ELF1: variants seen among roughly 807,000 people sequenced by gnomAD.
ELF1 encodes the protein ETS-related transcription factor Elf-1.
Under a neutral mutation model 59.9 loss-of-function variants are expected in ELF1, and 24 were observed. The observed-to-expected ratio is 0.40, with a 90% CI of 0.29 to 0.56. The LOEUF is 0.56. Among genes scored for constraint, ELF1 ranks in the 20% least tolerant of loss-of-function variants. ELF1 has a pLI of 0.44. For synonymous variants in ELF1, 248 were observed against 266.2 expected (o/e 0.93, Z 0.67); for missense variants, 627 against 742.2 (o/e 0.84, Z 1.80).
At chr13:40,963,731 A>G (rs1043376849) in intron 2 of ELF1, among the ~76,000 whole-genome samples, 2 of 152,066 alleles carry the variant, frequency 1.3e-5, no homozygotes, top group East Asian at 3.9e-4. Flanking sequence ...ACATGGTAAA[A>G]CCCTGCCTCT....
At chr13:41,044,720 A>G (rs934976532) in intron 1 of ELF1, among the ~76,000 whole-genome samples, 2 of 152,188 alleles carry the variant, frequency 1.3e-5, no homozygotes, top group East Asian at 1.9e-4. Flanking sequence ...GGATTTTTGC[A>G]TCGATGTTCA....
At chr13:40,953,292 T>C (rs1459052550) in intron 3 of ELF1, among the ~76,000 whole-genome samples, 1 of 152,172 alleles carries the variant, frequency 6.6e-6, no homozygotes. Context: ...AATTCTTTAA[T>C]ATCATCTATT....
intron 1 of ELF1, chr13:41,060,723 A>G (rs1270198439): frequency 6.1e-6 from 1 of 163,188 alleles, no homozygotes; most frequent in Non-Finnish European, 1.4e-5. Flanking sequence ...AAAAAAAAAG[A>G]AAAATAAGGA....
intron 2 of ELF1, among the ~76,000 whole-genome samples, chr13:40,975,821 T>G (rs1410171159): frequency 6.6e-6 from 1 of 152,160 alleles, no homozygotes; most frequent in Non-Finnish European, 1.5e-5. Flanking sequence ...TTTACCTATT[T>G]TATAGAAGAG....
chr13:40,984,939 T>C (rs947781530), intron 1 of ELF1, among the ~76,000 whole-genome samples: 14 of 152,114 alleles, frequency 9.2e-5, no homozygotes, highest in African/African-American at 3.4e-4. Flanking sequence ...ATCTAAAAAA[T>C]CAGGATAAGC....
chr13:40,951,277 G>A, intron 4 of ELF1, 52 bp downstream of exon 4: 1 of 1,364,820 alleles, frequency 7.3e-7, no homozygotes, highest in Non-Finnish European at 1.0e-6. Flanking sequence ...AAAGAAAGAT[G>A]GCAAGAGTAA....
At chr13:41,024,373 G>A (rs1051202662) in intron 1 of ELF1, among the ~76,000 whole-genome samples, 3 of 152,092 alleles carry the variant, frequency 2.0e-5, no homozygotes, top group African/African-American at 7.2e-5. Flanking sequence ...CCAGGCTGGA[G>A]TGCAGTGGCA....
chr13:40,955,691 G>C (rs1488433469), intron 3 of ELF1, among the ~76,000 whole-genome samples: 12 of 95,262 alleles, frequency 1.3e-4, no homozygotes, highest in South Asian at 3.8e-4. Context: ...GTCAGCCCCC[G>C]GCCTGGCCAG....
At chr13:41,024,606 A>G (rs1010463873) in intron 1 of ELF1, among the ~76,000 whole-genome samples, 8 of 152,042 alleles carry the variant, frequency 5.3e-5, no homozygotes, top group African/African-American at 1.4e-4. Flanking sequence ...CAAACTCCTG[A>G]GCTCAAGCGA....
In ELF1 at chr13:40,967,737, G is replaced by A. The variant is rs11147830; in HGVS notation, c.73-8721C>T. ...CTCCCAAGTAGCTGGGACTATAGGC[G>A]TATGCCACCATGTCTGGCTAATTTT... On this transcript the variant is annotated intron_variant, in intron 2 of 8. Coordinates refer to ENST00000239882, the MANE Select transcript of ELF1 (RefSeq NM_172373.4). Among the ~76,000 whole-genome samples, 395 of 151,956 alleles carry A rather than the reference G, an allele frequency of 2.6e-3. 6 individuals carry two copies. In the East Asian group the frequency reaches 0.05, roughly 19 times the overall value.
intron 2 of ELF1, among the ~76,000 whole-genome samples, chr13:40,971,303 G>A (rs1359294478): frequency 6.6e-6 from 1 of 151,930 alleles, no homozygotes; most frequent in African/African-American, 2.4e-5. Context: ...TGTCACCCAG[G>A]CTACAGTGCA....
At chr13:41,023,366 G>A (rs9532705), upstream of ELF1, among the ~76,000 whole-genome samples, 48,603 of 152,022 alleles carry the variant, frequency 0.32, 9,450 homozygotes, top group Middle Eastern at 0.46. Context: ...CCCATAGGTC[G>A]GGAGCTAACA....
At chr13:41,060,799 A>C (rs1036737905) in intron 1 of ELF1, 6 of 191,506 alleles carry the variant, frequency 3.1e-5, no homozygotes, top group Non-Finnish European at 6.7e-5. Flanking sequence ...TAACCGCTAG[A>C]CCATATGGGA....
chr13:41,018,458 C>T (rs2138387985), intron 1 of ELF1, among the ~76,000 whole-genome samples: 1 of 152,266 alleles, frequency 6.6e-6, no homozygotes, highest in Non-Finnish European at 1.5e-5. Context: ...ACTACGTTTC[C>T]TTAGAAGACA....
chr13:41,001,712 T>C (rs1874457643), intron 1 of ELF1, among the ~76,000 whole-genome samples: 1 of 152,090 alleles, frequency 6.6e-6, no homozygotes, highest in Non-Finnish European at 1.5e-5. Flanking sequence ...ATATTCTGCT[T>C]TAAAAATGTA....
chr13:40,952,736 G>T (rs905042988), intron 3 of ELF1, among the ~76,000 whole-genome samples: 6 of 152,062 alleles, frequency 3.9e-5, no homozygotes, highest in Non-Finnish European at 2.9e-5. Flanking sequence ...AATAAAAATT[G>T]TGGAGTATAG....
At chr13:41,034,667 T>C (rs577635658) in intron 1 of ELF1, among the ~76,000 whole-genome samples, 3 of 152,210 alleles carry the variant, frequency 2.0e-5, no homozygotes, top group East Asian at 1.9e-4. Flanking sequence ...ATACGACTTA[T>C]TAGCCATAAT....
chr13:41,002,460 T>C (rs1344320837), intron 1 of ELF1, among the ~76,000 whole-genome samples: 2 of 151,374 alleles, frequency 1.3e-5, no homozygotes, highest in East Asian at 1.9e-4. Flanking sequence ...CTGAGCAACA[T>C]GGCGAGAACC....
intron 1 of ELF1, among the ~76,000 whole-genome samples, chr13:40,983,669 T>G (rs1189046835): frequency 6.6e-6 from 1 of 151,386 alleles, no homozygotes; most frequent in South Asian, 2.1e-4. Flanking sequence ...TTTTGAGCAA[T>G]GTACCATATC....
Sources: allele counts gnomAD v4.1 joint callset (sites outside exome capture counted in the v4.1 genomes callset), GRCh38; gene constraint gnomAD v4.1.1; transcripts MANE v1.5; gene names NCBI Gene and HGNC (gene_info 2026-07-23, HGNC 2026-07-21).